The following FGF12 variants were observed in gnomAD, a reference collection of about 807,000 sequenced individuals.
The protein encoded by FGF12 is fibroblast growth factor 12B.
Under a neutral mutation model 23.6 loss-of-function variants are expected in FGF12, and 14 were observed. The ratio of observed to expected loss-of-function variants is 0.59; its 90% CI spans 0.39 to 0.93. FGF12 has a LOEUF of 0.93. Among genes scored for constraint, FGF12 ranks in the 40% least tolerant of loss-of-function variants. The pLI is 0.00. For synonymous variants in FGF12, 62 were observed against 77.3 expected, an observed-to-expected ratio of 0.80 and a Z score of 1.04; for missense variants, 175 against 217.8, an observed-to-expected ratio of 0.80 and a Z score of 1.24.
intron 4 of FGF12, among the ~76,000 whole-genome samples, chr3:192,222,178 T>G (rs915916824): frequency 8.5e-5 from 13 of 152,124 alleles, no homozygotes; most frequent in Non-Finnish European, 1.6e-4. Flanking sequence ...AACATGGGAA[T>G]GAGTACTTAG....
chr3:192,394,190 A>C (rs1318630031), intron 2 of FGF12, among the ~76,000 whole-genome samples: 1 of 152,174 alleles, frequency 6.6e-6, no homozygotes, highest in Non-Finnish European at 1.5e-5. Context: ...TTTCTATTAA[A>C]ACAAATACTA....
intron 2 of FGF12, among the ~76,000 whole-genome samples, chr3:192,469,140 C>T (rs1476643943): frequency 2.0e-5 from 3 of 152,182 alleles, no homozygotes; most frequent in Non-Finnish European, 4.4e-5. Flanking sequence ...ACAAGATGCT[C>T]CAGGCTCATC....
intron 4 of FGF12, among the ~76,000 whole-genome samples, chr3:192,297,942 A>G (rs1004192519): frequency 2.6e-5 from 4 of 152,114 alleles, no homozygotes; most frequent in African/African-American, 9.7e-5. Flanking sequence ...TTTTCCATAC[A>G]TTCTCAAAAA....
At chr3:192,433,711 T>C (rs76235914) in intron 2 of FGF12, among the ~76,000 whole-genome samples, 3,520 of 152,332 alleles carry the variant, frequency 0.023, 109 homozygotes, top group African/African-American at 0.075. Flanking sequence ...AGTATCAAAT[T>C]TGATTTTAAA....
intron 4 of FGF12, among the ~76,000 whole-genome samples, chr3:192,198,421 A>C (rs1717192903): frequency 6.6e-6 from 1 of 152,206 alleles, no homozygotes; most frequent in South Asian, 2.1e-4. Flanking sequence ...ACCACTGAGC[A>C]AATGAAAAAA....
intron 2 of FGF12, among the ~76,000 whole-genome samples, chr3:192,543,964 A>G (rs1725434560): frequency 6.6e-6 from 1 of 152,122 alleles, no homozygotes; most frequent in Non-Finnish European, 1.5e-5. Flanking sequence ...GCTGCAAGCT[A>G]CACTGCCTGG....
chr3:192,631,686 C>G (rs150068090), intron 2 of FGF12, among the ~76,000 whole-genome samples: 1 of 152,290 alleles, frequency 6.6e-6, no homozygotes, highest in East Asian at 1.9e-4. Flanking sequence ...ACATTGAAGG[C>G]AGGTGGCATA....
chr3:192,669,802 T>C (rs1717043008), intron 2 of FGF12, among the ~76,000 whole-genome samples: 1 of 152,094 alleles, frequency 6.6e-6, no homozygotes, highest in South Asian at 2.1e-4. Context: ...CATTGTGTAA[T>C]AAACTGTGTC....
chr3:192,585,361 G>A (rs564936389), intron 2 of FGF12, among the ~76,000 whole-genome samples: 12 of 152,036 alleles, frequency 7.9e-5, no homozygotes, highest in Non-Finnish European at 1.8e-4. Context: ...TTATCTTTGT[G>A]CCTCTTTCCA....
chr3:192,439,974 T>TG (rs1722155150), intron 2 of FGF12, among the ~76,000 whole-genome samples: 1 of 123,470 alleles, frequency 8.1e-6, no homozygotes, highest in Non-Finnish European at 1.6e-5. Context: ...AGACTCCATA[T>TG]GGAAAAAAAA....
intron 2 of FGF12, among the ~76,000 whole-genome samples, chr3:192,633,559 T>C (rs1391864581): frequency 1.3e-5 from 2 of 152,110 alleles, no homozygotes; most frequent in Non-Finnish European, 2.9e-5. Context: ...AACAAAAGTA[T>C]ATTCAACCCT....
chr3:192,156,471 C>T (rs1714427977), intron 5 of FGF12, among the ~76,000 whole-genome samples: 1 of 152,212 alleles, frequency 6.6e-6, no homozygotes, highest in Admixed American at 6.5e-5. Flanking sequence ...TCTGATTGCA[C>T]TTGATACTAT....
At chr3:192,674,983 A>G (rs1717271450) in intron 2 of FGF12, among the ~76,000 whole-genome samples, 1 of 152,220 alleles carries the variant, frequency 6.6e-6, no homozygotes, top group East Asian at 1.9e-4. Flanking sequence ...TCTTTTTACC[A>G]TCATCTATCT....
At chr3:192,249,639 T>G (rs1711868193) in intron 4 of FGF12, among the ~76,000 whole-genome samples, 1 of 152,080 alleles carries the variant, frequency 6.6e-6, no homozygotes, top group African/African-American at 2.4e-5. Flanking sequence ...CCATGGTGCT[T>G]GTAAAGGCAT....
intron 2 of FGF12, among the ~76,000 whole-genome samples, chr3:192,454,016 T>C (rs1351833637): frequency 6.6e-6 from 1 of 152,104 alleles, no homozygotes; most frequent in Non-Finnish European, 1.5e-5. Context: ...GTTAAAGATG[T>C]ATATCTACAT....
chr3:192,549,644 A>G (rs965178141), intron 2 of FGF12, among the ~76,000 whole-genome samples: 1 of 152,178 alleles, frequency 6.6e-6, no homozygotes, highest in Non-Finnish European at 1.5e-5. Flanking sequence ...TCACATTTGA[A>G]TCAGTAGATA....
chr3:192,555,390 C>T (rs975101641), intron 2 of FGF12, among the ~76,000 whole-genome samples: 5 of 151,934 alleles, frequency 3.3e-5, no homozygotes, highest in African/African-American at 9.7e-5. Context: ...TAGTATGGTA[C>T]TATAAAAGTA....
chr3:192,557,327 T>TA (rs1268964695), intron 2 of FGF12, among the ~76,000 whole-genome samples: 55 of 146,168 alleles, frequency 3.8e-4, no homozygotes, highest in Non-Finnish European at 6.6e-4. Context: ...CAGATAAGTC[T>TA]AAAAAAAAAG....
chr3:192,158,374 C>CTTTCTTCTT (rs1714602678), intron 5 of FGF12, among the ~76,000 whole-genome samples: 1 of 117,242 alleles, frequency 8.5e-6, no homozygotes, highest in Non-Finnish European at 1.8e-5. Flanking sequence ...TTCTTTCTTT[C>CTTTCTTCTT]TTTCTTTCTT....
Sources: allele counts gnomAD v4.1 joint callset (sites outside exome capture counted in the v4.1 genomes callset), GRCh38; gene constraint gnomAD v4.1.1; transcripts MANE v1.5; gene names NCBI Gene and HGNC (gene_info 2026-07-23, HGNC 2026-07-21).